Variants in CFAP20DC observed in about 807,000 individuals in gnomAD.
CFAP20DC encodes the protein protein CFAP20DC.
In CFAP20DC, 84 loss-of-function variants were observed where a neutral mutation model predicts 101.7. That is an observed-to-expected ratio of 0.83 (90% CI 0.69 to 0.99). The LOEUF (loss-of-function observed/expected upper bound fraction) is 0.99, where lower values mean the gene tolerates loss of function less well. CFAP20DC is among the 50% of genes least tolerant of loss of function. The probability of loss-of-function intolerance (pLI) is 0.00; values close to 1 mark genes in which losing one functional copy is unlikely to be tolerated. For missense variants in CFAP20DC, 1,007 were observed against 970.3 expected (o/e 1.04, Z -0.50); for synonymous variants, 359 against 351.2 (o/e 1.02, Z -0.25).
chr3:58,891,939 A>T (rs114212263), intron 6 of CFAP20DC, among the ~76,000 whole-genome samples: 1,536 of 151,828 alleles, frequency 0.01, 28 homozygotes, highest in African/African-American at 0.035. Context: ...GAATACCCAG[A>T]TTTTCTTCTA....
At chr3:58,872,126 A>G (rs1257232294) in intron 7 of CFAP20DC, among the ~76,000 whole-genome samples, 1 of 152,192 alleles carries the variant, frequency 6.6e-6, no homozygotes, top group Admixed American at 6.5e-5. Context: ...AACTGAAAAC[A>G]CTGCCCATTA....
chr3:58,966,820 T>G (rs1356717597), intron 4 of CFAP20DC, among the ~76,000 whole-genome samples: 1 of 152,082 alleles, frequency 6.6e-6, no homozygotes, highest in Non-Finnish European at 1.5e-5. Context: ...CCATCGCAAC[T>G]GGCTGAAAAA....
At chr3:58,831,611 C>G in intron 14 of CFAP20DC, 75 bp downstream of exon 14, 1 of 1,319,718 alleles carries the variant, frequency 7.6e-7, no homozygotes, top group Non-Finnish European at 1.1e-6. Flanking sequence ...CTTTTCCAGG[C>G]AAAGCTGGGA....
intron 1 of CFAP20DC, among the ~76,000 whole-genome samples, chr3:59,048,677 A>G (rs913898678): frequency 6.6e-6 from 1 of 152,212 alleles, no homozygotes; most frequent in African/African-American, 2.4e-5. Flanking sequence ...CTCCGAGAGC[A>G]CTCATAATGA....
intron 5 of CFAP20DC, among the ~76,000 whole-genome samples, chr3:58,934,550 A>G (rs930716116): frequency 2.6e-5 from 4 of 152,242 alleles, no homozygotes; most frequent in African/African-American, 4.8e-5. Flanking sequence ...CGAATCCAGC[A>G]GCATATCAAA....
chr3:59,012,092 C>T (rs1377025238), intron 4 of CFAP20DC, among the ~76,000 whole-genome samples: 3 of 152,044 alleles, frequency 2.0e-5, no homozygotes, highest in East Asian at 3.9e-4. Context: ...GAAAGACAGA[C>T]CTGTAACTAT....
chr3:58,758,795 T>C (rs1015816286), intron 15 of CFAP20DC, among the ~76,000 whole-genome samples: 1 of 152,148 alleles, frequency 6.6e-6, no homozygotes, highest in African/African-American at 2.4e-5. Context: ...GTGTTTGGTT[T>C]TTTGACCTTG....
At chr3:58,872,872 A>G (rs1013669884) in intron 7 of CFAP20DC, among the ~76,000 whole-genome samples, 1 of 150,648 alleles carries the variant, frequency 6.6e-6, no homozygotes, top group East Asian at 2.0e-4. Context: ...CTGGATAGCT[A>G]TGCTGGATGC....
At chr3:58,754,642 CT>C (rs1361478152) in intron 15 of CFAP20DC, among the ~76,000 whole-genome samples, 1 of 152,120 alleles carries the variant, frequency 6.6e-6, no homozygotes, top group Non-Finnish European at 1.5e-5. Flanking sequence ...TATCATTTAC[CT>C]TATTCTTCTC....
intron 6 of CFAP20DC, among the ~76,000 whole-genome samples, chr3:58,888,733 G>A (rs1006583085): frequency 6.6e-6 from 1 of 152,170 alleles, no homozygotes; most frequent in Non-Finnish European, 1.5e-5. Context: ...GACAAGATCT[G>A]GTTCCATGTC....
intron 4 of CFAP20DC, among the ~76,000 whole-genome samples, chr3:58,951,382 T>C (rs1312434823): frequency 6.6e-6 from 1 of 152,198 alleles, no homozygotes; most frequent in African/African-American, 2.4e-5. Flanking sequence ...AGAAATACCA[T>C]TTGACCCAGC....
intron 3 of CFAP20DC, among the ~76,000 whole-genome samples, chr3:59,040,130 T>C: frequency 6.6e-6 from 1 of 152,050 alleles, no homozygotes; most frequent in Middle Eastern, 3.2e-3. Flanking sequence ...AGCTAATTCA[T>C]ATGGTTTTAA....
At chr3:58,780,820 C>A (rs143158139) in intron 15 of CFAP20DC, among the ~76,000 whole-genome samples, 2 of 151,976 alleles carry the variant, frequency 1.3e-5, no homozygotes, top group East Asian at 1.9e-4. Flanking sequence ...GAGATAGACT[C>A]CAATATAATA....
At chr3:58,819,824 G>C (rs1438733173) in intron 14 of CFAP20DC, among the ~76,000 whole-genome samples, 1 of 149,022 alleles carries the variant, frequency 6.7e-6, no homozygotes, top group Non-Finnish European at 1.5e-5. Flanking sequence ...CCAAAGCCGG[G>C]CAGAGACACA....
At chr3:59,021,622 C>T (rs1176076513) in intron 4 of CFAP20DC, among the ~76,000 whole-genome samples, 3 of 152,086 alleles carry the variant, frequency 2.0e-5, no homozygotes, top group Non-Finnish European at 4.4e-5. Flanking sequence ...TTTCAAATCT[C>T]TGAACCAGCA....
chr3:58,809,117 G>C (rs367716405), intron 14 of CFAP20DC, among the ~76,000 whole-genome samples: 1,723 of 152,216 alleles, frequency 0.011, 23 homozygotes, highest in Non-Finnish European at 0.013. Flanking sequence ...ATAATAATGG[G>C]AGACTTTAGC....
At chr3:58,962,412 T>C (rs559588232) in intron 4 of CFAP20DC, among the ~76,000 whole-genome samples, 2 of 152,360 alleles carry the variant, frequency 1.3e-5, no homozygotes, top group African/African-American at 4.8e-5. Context: ...TTAAATTTAT[T>C]GAAACTCGTT....
intron 4 of CFAP20DC, among the ~76,000 whole-genome samples, chr3:58,991,865 CT>C (rs1362916064): frequency 6.6e-6 from 1 of 152,094 alleles, no homozygotes; most frequent in Admixed American, 6.6e-5. Context: ...TCGGGGACCC[CT>C]GACTTAAAAG....
intron 4 of CFAP20DC, among the ~76,000 whole-genome samples, chr3:58,946,311 T>C (rs1181954705): frequency 2.0e-5 from 3 of 151,702 alleles, no homozygotes; most frequent in African/African-American, 7.3e-5. Context: ...AGAGACAGGT[T>C]TCACTATGTT....
Sources: allele counts gnomAD v4.1 joint callset (sites outside exome capture counted in the v4.1 genomes callset), GRCh38; gene constraint gnomAD v4.1.1; transcripts MANE v1.5; gene names NCBI Gene and HGNC (gene_info 2026-07-23, HGNC 2026-07-21).